Variants in MCF2L2 observed in about 807,000 individuals in gnomAD.
MCF2L2 encodes the protein probable guanine nucleotide exchange factor MCF2L2.
In MCF2L2, 102 loss-of-function variants were observed where a neutral mutation model predicts 150.2. That is an observed-to-expected ratio of 0.68 (90% confidence interval 0.58 to 0.80). MCF2L2 has a LOEUF of 0.80. MCF2L2 is among the 30% of genes least tolerant of loss of function. MCF2L2 has a pLI of 0.00. For synonymous variants in MCF2L2, 465 were observed against 491.3 expected (o/e 0.95, Z 0.71); for missense variants, 1,256 against 1,372.8 (o/e 0.91, Z 1.34).
intron 5 of MCF2L2, among the ~76,000 whole-genome samples, chr3:183,338,104 C>G (rs1730558988): frequency 6.7e-6 from 1 of 149,660 alleles, no homozygotes; most frequent in East Asian, 2.0e-4. Context: ...TTTCTATCAT[C>G]TTAGACACCA....
At chr3:183,311,571 T>C in intron 8 of MCF2L2, 77 bp downstream of exon 8, 4 of 1,530,802 alleles carry the variant, frequency 2.6e-6, no homozygotes, top group Non-Finnish European at 3.6e-6. Context: ...GCTGTTCCAA[T>C]CTGTTCTTGG....
At chr3:183,243,385 G>T (rs1228796808) in intron 15 of MCF2L2, among the ~76,000 whole-genome samples, 3 of 152,156 alleles carry the variant, frequency 2.0e-5, no homozygotes, top group African/African-American at 7.2e-5. Flanking sequence ...TTTAACAGTA[G>T]ACACCTGGTG....
At chr3:183,338,633 T>C (rs1478476052) in intron 5 of MCF2L2, among the ~76,000 whole-genome samples, 167 bp downstream of exon 5, 1 of 152,016 alleles carries the variant, frequency 6.6e-6, no homozygotes, top group Admixed American at 6.6e-5. Flanking sequence ...CCTCAGTCCA[T>C]TGTGTACTTC....
Position 183,326,597 on chromosome 3 carries a change from T to C in MCF2L2, c.487-3246A>G, listed in dbSNP as rs555428439. 4.6e-5 allele frequency among the ~76,000 whole-genome samples: 7 copies of C among 151,220 alleles called. No homozygotes were observed. The East Asian group carries it at 9.7e-4, about 21-fold the overall frequency. On this transcript the variant is annotated intron_variant, in intron 5 of 29. Transcript: ENST00000328913. ...AGTTGCAAAGATAATTATAGTTTCA[T>C]AGGAAGTTACAAAGGCAGTACAGAG...
chr3:183,330,825 A>G (rs1022191528), intron 5 of MCF2L2, among the ~76,000 whole-genome samples: 1 of 152,144 alleles, frequency 6.6e-6, no homozygotes, highest in African/African-American at 2.4e-5. Flanking sequence ...CTGGCCTTAA[A>G]ACATTTTTTC....
Position 183,270,074 on chromosome 3 carries a change from G to C in MCF2L2, c.1862+6798C>G, listed in dbSNP as rs1484864447. On this transcript the variant is annotated intron_variant, in intron 15 of 29. Transcript: ENST00000328913. The surrounding 1 kb of genome is among the most constrained non-coding windows in gnomAD (Gnocchi z 4.5). ...AAGCTCAAGACGTCCTCCTTTTACTGTTTGTAAAAACTGCTCCTGAAAACT... is the reference window on the plus strand; with the variant it reads ...AAGCTCAAGACGTCCTCCTTTTACTCTTTGTAAAAACTGCTCCTGAAAACT... 4 of 1,614,018 alleles carry C rather than the reference G, an allele frequency of 2.5e-6. No homozygotes were observed. In the African/African-American group the frequency reaches 4.0e-5, roughly 16 times the overall value.
chr3:183,242,515 A>G (rs1233838544), intron 15 of MCF2L2, among the ~76,000 whole-genome samples: 1 of 152,240 alleles, frequency 6.6e-6, no homozygotes, highest in African/African-American at 2.4e-5. Flanking sequence ...CCATTGGTTC[A>G]GAGATGCAAG....
intron 18 of MCF2L2, 76 bp downstream of exon 18, chr3:183,228,221 C>T: frequency 9.4e-7 from 1 of 1,069,390 alleles, no homozygotes; most frequent in Non-Finnish European, 1.4e-6. Flanking sequence ...TTGATGTTTC[C>T]ATTTGTCCTT....
At chr3:183,409,620 T>A (rs1256579909) in intron 1 of MCF2L2, among the ~76,000 whole-genome samples, 1 of 146,940 alleles carries the variant, frequency 6.8e-6, no homozygotes, top group African/African-American at 2.5e-5. Flanking sequence ...GATGGTGAAA[T>A]CTCAGCTCAC....
intron 15 of MCF2L2, among the ~76,000 whole-genome samples, chr3:183,274,693 C>T (rs978740263): frequency 6.6e-6 from 1 of 152,156 alleles, no homozygotes; most frequent in African/African-American, 2.4e-5. Flanking sequence ...GCTATAGCTG[C>T]AATGAGAATA....
chr3:183,376,089 A>G (rs1471387623), intron 3 of MCF2L2: 1 of 152,258 alleles, frequency 6.6e-6, no homozygotes, highest in Admixed American at 6.5e-5. Flanking sequence ...GACAAACAGC[A>G]TTCTAGGAAA....
intron 6 of MCF2L2, among the ~76,000 whole-genome samples, chr3:183,319,609 C>T (rs1195599623): frequency 6.6e-6 from 1 of 152,202 alleles, no homozygotes; most frequent in Non-Finnish European, 1.5e-5. Flanking sequence ...TGAAATTGCT[C>T]TTTGATCCAC....
chr3:183,220,495 G>T (rs1400142631), intron 20 of MCF2L2, among the ~76,000 whole-genome samples: 3 of 152,030 alleles, frequency 2.0e-5, no homozygotes, highest in African/African-American at 7.3e-5. Context: ...AAACATTTAG[G>T]TTCAACAATA....
chr3:183,360,718 C>T (rs1712081921), intron 3 of MCF2L2, among the ~76,000 whole-genome samples: 1 of 151,956 alleles, frequency 6.6e-6, no homozygotes, highest in African/African-American at 2.4e-5. Context: ...TCCTGTAATC[C>T]CAGCACTTTG....
At chr3:183,306,171 C>T (rs1729087581) in intron 10 of MCF2L2, among the ~76,000 whole-genome samples, 1 of 152,206 alleles carries the variant, frequency 6.6e-6, no homozygotes, top group Admixed American at 6.5e-5. Flanking sequence ...CTTCCAAAGC[C>T]TGTGTTCTTG....
intron 13 of MCF2L2, among the ~76,000 whole-genome samples, chr3:183,294,693 A>G (rs1188905405): frequency 6.9e-6 from 1 of 145,832 alleles, no homozygotes; most frequent in Admixed American, 7.0e-5. Context: ...CAGTGGCGCC[A>G]TCTCCGCTAA....
chr3:183,239,761 G>A (rs541031007), intron 15 of MCF2L2, among the ~76,000 whole-genome samples: 29 of 152,224 alleles, frequency 1.9e-4, no homozygotes, highest in Admixed American at 5.9e-4. Flanking sequence ...TCAAGAACCC[G>A]AACTCAGATT....
chr3:183,225,166 T>C (rs1723299693), intron 18 of MCF2L2: 1 of 152,306 alleles, frequency 6.6e-6, no homozygotes, highest in Non-Finnish European at 1.5e-5. Context: ...TACTCCCAAA[T>C]ACATTGCTAT....
chr3:183,201,020 T>C (rs1266868974), intron 25 of MCF2L2, among the ~76,000 whole-genome samples: 1 of 152,234 alleles, frequency 6.6e-6, no homozygotes, highest in Admixed American at 6.5e-5. Flanking sequence ...CTGTTTTGAT[T>C]ACTGTAGCCT....
Sources: allele counts gnomAD v4.1 joint callset (sites outside exome capture counted in the v4.1 genomes callset), GRCh38; gene constraint gnomAD v4.1.1; non-coding constraint Gnocchi (gnomAD v3.1); transcripts MANE v1.5; gene names NCBI Gene and HGNC (gene_info 2026-07-23, HGNC 2026-07-21).